SLC24A5: variants seen among roughly 807,000 people sequenced by gnomAD.
SLC24A5 encodes the protein solute carrier family 24 member 5.
SLC24A5 carries 46 observed loss-of-function variants against 51.6 expected under a neutral mutation model. That is an observed-to-expected ratio of 0.89 (90% confidence interval 0.70 to 1.14). SLC24A5 has a LOEUF of 1.14. SLC24A5 is among the 50% of genes most tolerant of loss of function. The probability of loss-of-function intolerance (pLI) is 0.00; values close to 1 mark genes in which losing one functional copy is unlikely to be tolerated. For missense variants in SLC24A5, 581 were observed against 604.1 expected (o/e 0.96, Z 0.40); for synonymous variants, 230 against 214.9 (o/e 1.07, Z -0.62).
At chr15:48,125,559 CAAGAAAT>C (rs2038722742) in intron 2 of SLC24A5, among the ~76,000 whole-genome samples, 1 of 152,074 alleles carries the variant, frequency 6.6e-6, no homozygotes, top group Non-Finnish European at 1.5e-5. Context: ...AACCATCTTA[CAAGAAAT>C]TTTCCTCTCG....
In SLC24A5 at chr15:48,136,996, A is replaced by G. The variant is rs745889196; in HGVS notation, c.871+33A>G. On this transcript the variant is annotated intron_variant, in intron 6 of 8. Coordinates refer to ENST00000341459, the MANE Select transcript of SLC24A5 (RefSeq NM_205850.3). ...CTAAATCTTGCCCATTATTAAGTCT[A>G]TTCGCAAAGGAAAAACTTTAAAATT... The G allele has an allele frequency of 3.6e-5, 56 of 1,560,872 alleles. No individual in the cohort carries two copies. In the South Asian group the frequency reaches 5.0e-4, roughly 14 times the overall value.
At chr15:48,121,194 TGCA>T (rs764763314) in intron 1 of SLC24A5, 29 bp downstream of exon 1, 2 of 1,573,380 alleles carry the variant, frequency 1.3e-6, no homozygotes, top group South Asian at 2.3e-5. Flanking sequence ...CAGTTAGCTC[TGCA>T]GCAGCAGCTG....
At chr15:48,121,565 G>A (rs2038679732) in intron 1 of SLC24A5, among the ~76,000 whole-genome samples, 1 of 152,092 alleles carries the variant, frequency 6.6e-6, no homozygotes, top group Non-Finnish European at 1.5e-5. Flanking sequence ...TTTCTACTTG[G>A]GGAAGAGAGA....
chr15:48,141,763 T>G (rs1489342875), intron 8 of SLC24A5: 2 of 237,250 alleles, frequency 8.4e-6, no homozygotes, highest in East Asian at 1.7e-4. Flanking sequence ...ATTAACCATG[T>G]TAAATTACAA....
Position 48,121,926 on chromosome 15 carries a change from G to T in SLC24A5, c.191G>T (p.Arg64Leu). Reference sequence around the variant, plus strand: ...GAAGGGTTTTTCACGAGACAGGAGCGCAGAGATGGAGGCATCATAATCTAT... The same window carrying T: ...GAAGGGTTTTTCACGAGACAGGAGCTCAGAGATGGAGGCATCATAATCTAT... ...FPEGFFTRQERRDGGIIIYFL... is the reference protein window; with the variant it reads ...FPEGFFTRQELRDGGIIIYFL... The change falls in exon 2 of 9, where the codon CGC (arginine) becomes CTC (leucine). Residue 64 changes from arginine to leucine, a missense_variant. Arg to Leu is a moderately radical substitution (Grantham distance 102). Coordinates refer to ENST00000341459, the MANE Select transcript of SLC24A5 (RefSeq NM_205850.3). 1.9e-6 allele frequency: 3 copies of T among 1,614,106 alleles called. No homozygotes were observed. In the African/African-American group the frequency reaches 4.0e-5, roughly 22 times the overall value.
chr15:48,135,909 T>C (rs924426315), intron 5 of SLC24A5: 12 of 152,100 alleles, frequency 7.9e-5, no homozygotes, highest in African/African-American at 2.9e-4. Context: ...CTGTAAGGGA[T>C]AGTGACTGTG....
chr15:48,132,653 T>C (rs1477223179), intron 2 of SLC24A5, among the ~76,000 whole-genome samples: 1 of 152,128 alleles, frequency 6.6e-6, no homozygotes, highest in African/African-American at 2.4e-5. Context: ...CTTGTGCAGC[T>C]ATGGTCAGAG....
chr15:48,134,089 T>A (rs920657384), intron 2 of SLC24A5, among the ~76,000 whole-genome samples, 169 bp from the exon 3 acceptor site: 1 of 152,162 alleles, frequency 6.6e-6, no homozygotes, highest in Non-Finnish European at 1.5e-5. Context: ...CATTAAGTAA[T>A]GAAGTCATAA....
At chr15:48,135,107 A>G in intron 5 of SLC24A5, 123 bp downstream of exon 5, 3 of 689,126 alleles carry the variant, frequency 4.4e-6, no homozygotes. Flanking sequence ...CCATATTCCA[A>G]CAGGTCTGTG....
intron 2 of SLC24A5, among the ~76,000 whole-genome samples, chr15:48,131,248 A>G (rs1481902033): frequency 6.6e-6 from 1 of 152,154 alleles, no homozygotes; most frequent in Non-Finnish European, 1.5e-5. Context: ...GTCTATACAT[A>G]TATACACACA....
chr15:48,132,843 C>T (rs2038805877), intron 2 of SLC24A5, among the ~76,000 whole-genome samples: 1 of 152,024 alleles, frequency 6.6e-6, no homozygotes, highest in Admixed American at 6.6e-5. Flanking sequence ...CTTACCATGT[C>T]GTAGCTTAAG....
rs372618146 is a variant in SLC24A5, at chr15:48,121,117, C to T, written c.73C>T (p.Leu25=). 13 of 1,613,790 alleles carry T rather than the reference C, an allele frequency of 8.1e-6. No homozygotes were observed. Among genetic ancestry groups the T allele is most frequent in the South Asian group, 7.7e-5 (7 of 91,058 alleles). The change falls in exon 1 of 9, where the codon CTG becomes TTG. Residue 25 remains leucine, a synonymous_variant. Coordinates refer to ENST00000341459, the MANE Select transcript of SLC24A5 (RefSeq NM_205850.3). The part of the protein sequence containing the change: ...LLGILWATAH[L]PLSGTSLPQR... The stretch of plus-strand genomic sequence containing the variant: ...CGGCATCCTGTGGGCCACTGCACAT[C>T]TGCCTCTCTCAGGGACCTCCCTGCC...
At position 48,121,991 on chromosome 15, in the gene SLC24A5, G is replaced by A; in HGVS notation, c.256G>A (p.Val86Ile). The A allele has an allele frequency of 6.2e-7, 1 of 1,614,170 alleles. No individual in the cohort carries two copies. Among genetic ancestry groups the A allele is most frequent in the East Asian group, 2.2e-5 (1 of 44,888 alleles). The part of the protein sequence containing the change: ...IVYMFMAISI[V>I]CDEYFLPSLE... ...TTACATGTTCATGGCCATATCTATT[G>A]TCTGTGATGAATACTTCCTACCCTC... Residue 86 changes from valine (V) to isoleucine (I), a missense_variant, in exon 2 of 9, where the codon GTC (valine) becomes ATC (isoleucine). Transcript: ENST00000341459.
At chr15:48,140,912 T>A in intron 7 of SLC24A5, 1 of 457,188 alleles carries the variant, frequency 2.2e-6, no homozygotes, top group Non-Finnish European at 4.0e-6. Context: ...TCATTAAAAA[T>A]CTGTGCTACC....
rs182897963 is a variant in SLC24A5 at position 48,137,944 on chromosome 15, A to T, written c.871+981A>T. ...TTTATAAAGTGGTTGTCCAAAACAG[A>T]TTCTAAATTTAATTAAGCCTTTAGG... On this transcript the variant is annotated intron_variant, in intron 6 of 8. Coordinates refer to ENST00000341459, the MANE Select transcript of SLC24A5 (RefSeq NM_205850.3). 2.3e-3 allele frequency: 346 copies of T among 152,196 alleles called. 2 individuals are homozygous for T. The highest frequency in any genetic ancestry group is 8.1e-3 in the African/African-American group (337 of 41,554). 9.4% of individuals were successfully genotyped at this position (152,196 alleles called of 1,614,324 possible). A position where few individuals can be genotyped will look rare whatever the true frequency, so the allele number is the denominator to read the frequency against.
At chr15:48,126,292 A>G (rs984012037) in intron 2 of SLC24A5, among the ~76,000 whole-genome samples, 7 of 152,198 alleles carry the variant, frequency 4.6e-5, no homozygotes, top group Non-Finnish European at 8.8e-5. Flanking sequence ...TCTTAACTGT[A>G]TGGAGCCAAT....
chr15:48,124,726 A>C (rs1300056670), intron 2 of SLC24A5: 2 of 152,196 alleles, frequency 1.3e-5, no homozygotes, highest in Non-Finnish European at 1.5e-5. Flanking sequence ...TCCAACGTGC[A>C]CCTTGTGAAA....
intron 6 of SLC24A5, chr15:48,138,009 T>C (rs899852231): frequency 1.3e-5 from 2 of 152,118 alleles, no homozygotes; most frequent in African/African-American, 4.8e-5. Flanking sequence ...TTTTAAAACA[T>C]GACTTTTCCC....
chr15:48,121,279 G>A (rs371233608), intron 1 of SLC24A5, 114 bp downstream of exon 1: 67 of 1,146,512 alleles, frequency 5.8e-5, no homozygotes, highest in Middle Eastern at 3.0e-4. Context: ...TTTTACTTAC[G>A]CTTCTGAATT....
Sources: gnomAD v4.1 joint callset for allele counts (sites outside exome capture counted in the v4.1 genomes callset) on GRCh38, gnomAD v4.1.1 for gene constraint, MANE v1.5 for transcripts, NCBI Gene and HGNC (gene_info 2026-07-23, HGNC 2026-07-21) for gene names.